Variants in CORO2B observed in about 807,000 individuals in gnomAD.
The protein encoded by CORO2B is coronin-2B.
CORO2B carries 26 observed loss-of-function variants against 58.8 expected under a neutral mutation model. The observed-to-expected ratio is 0.44, with a 90% CI of 0.32 to 0.61. The LOEUF (loss-of-function observed/expected upper bound fraction) is 0.61. Among genes scored for constraint, CORO2B ranks in the 20% least tolerant of loss-of-function variants. The probability of loss-of-function intolerance (pLI) is 0.04; values close to 1 mark genes in which losing one functional copy is unlikely to be tolerated. For synonymous variants in CORO2B, 242 were observed against 253.8 expected (o/e 0.95, Z 0.44); for missense variants, 460 against 645.1 (o/e 0.71, Z 3.11).
chr15:68,721,012 G>T (rs953743138), intron 11 of CORO2B, among the ~76,000 whole-genome samples: 1 of 152,158 alleles, frequency 6.6e-6, no homozygotes, highest in African/African-American at 2.4e-5. Flanking sequence ...CTCCCAAGTA[G>T]CTGGGATTAC....
intron 1 of CORO2B, among the ~76,000 whole-genome samples, chr15:68,605,874 G>A (rs1310566783): frequency 1.3e-5 from 2 of 151,960 alleles, no homozygotes; most frequent in African/African-American, 4.8e-5. Context: ...ACAGGCACCC[G>A]CCACCACACT....
chr15:68,559,034 GA>G, the CORO2B span, among the ~76,000 whole-genome samples: 1 of 152,072 alleles, frequency 6.6e-6, no homozygotes, highest in Non-Finnish European at 1.5e-5. The surrounding 1 kb of genome is among the most constrained non-coding windows in gnomAD (Gnocchi z 4.3). Flanking sequence ...AATATGTTCG[GA>G]GATCCTACCA....
the CORO2B span, among the ~76,000 whole-genome samples, chr15:68,552,477 T>TGGGGGGGGGGGGGG: frequency 8.0e-6 from 1 of 124,908 alleles, no homozygotes; most frequent in Non-Finnish European, 1.7e-5. Context: ...CGCGGGGGGG[T>TGGGGGGGGGGGGGG]GGGGGGGGCA....
intron 1 of CORO2B, among the ~76,000 whole-genome samples, chr15:68,626,751 T>A (rs1288998208): frequency 6.6e-6 from 1 of 152,184 alleles, no homozygotes; most frequent in Non-Finnish European, 1.5e-5. Context: ...GTGTCAGTAC[T>A]TATGAAAAAA....
In CORO2B at chr15:68,579,249, C is replaced by T. The variant is rs754949243; in HGVS notation, c.-14C>T. The T allele has an allele frequency of 1.7e-6, 2 of 1,211,430 alleles. No individual in the cohort carries two copies. The highest frequency in any genetic ancestry group is 3.9e-5 in the East Asian group (1 of 25,384). The allele number at this position is 1,211,430 out of a possible 1,614,324, so 75.0% of individuals were successfully genotyped here. ...CGCCGCGCCCGCGCCCCCGCTCCGCCGCGGAGTTTCTGCATGACTGTCACA... is the reference window on the plus strand; with the variant it reads ...CGCCGCGCCCGCGCCCCCGCTCCGCTGCGGAGTTTCTGCATGACTGTCACA... On this transcript the variant is annotated 5_prime_UTR_variant, in exon 1 of 12. Transcript: ENST00000261861.
chr15:68,698,129 G>A (rs1211266194), intron 3 of CORO2B, among the ~76,000 whole-genome samples: 1 of 152,208 alleles, frequency 6.6e-6, no homozygotes, highest in Non-Finnish European at 1.5e-5. Context: ...CCAAACTGAG[G>A]GTTGGTAGGT....
chr15:68,518,585 C>T, the CORO2B span, among the ~76,000 whole-genome samples: 2 of 152,268 alleles, frequency 1.3e-5, no homozygotes, highest in East Asian at 3.9e-4. Flanking sequence ...CCCGTTTCTG[C>T]CTTCCAAGGT....
At chr15:68,633,390 T>C (rs1286212699) in intron 1 of CORO2B, among the ~76,000 whole-genome samples, 6 of 152,100 alleles carry the variant, frequency 3.9e-5, no homozygotes, top group Admixed American at 3.9e-4. Flanking sequence ...CAAAAACCCA[T>C]TGATTTCCTC....
At chr15:68,528,897 A>G in the CORO2B span, among the ~76,000 whole-genome samples, 1 of 152,222 alleles carries the variant, frequency 6.6e-6, no homozygotes. Flanking sequence ...TAGCAGAAAC[A>G]AAACTGAAAA....
the CORO2B span, among the ~76,000 whole-genome samples, chr15:68,549,953 A>AAATAAATAAATAAATAAAT: frequency 3.5e-5 from 5 of 144,488 alleles, no homozygotes; most frequent in African/African-American, 1.3e-4. Context: ...AAAATAAAAT[A>AAATAAATAAATAAATAAAT]AAATAAATAA....
chr15:68,622,502 C>T (rs1003482210), intron 1 of CORO2B, among the ~76,000 whole-genome samples: 4 of 152,174 alleles, frequency 2.6e-5, no homozygotes, highest in Admixed American at 6.5e-5. Flanking sequence ...CCATCCTTGA[C>T]ATCTGTGCTA....
At position 68,726,288 on chromosome 15, in the gene CORO2B, G is replaced by A. The variant is rs1893297654; in HGVS notation, c.*314G>A. The A allele has an allele frequency of 5.7e-6, 2 of 352,224 alleles. No homozygotes were observed. The highest frequency in any genetic ancestry group is 5.3e-5 in the South Asian group (2 of 37,846). 21.8% of individuals were successfully genotyped at this position (352,224 alleles called of 1,614,324 possible). ...CAGGGGCTCCATCTCAGTGGACCAGGAAGCAAGAGGGGAAGCGGGATCCCA... is the reference window on the plus strand; with the variant it reads ...CAGGGGCTCCATCTCAGTGGACCAGAAAGCAAGAGGGGAAGCGGGATCCCA... On this transcript the variant is annotated 3_prime_UTR_variant, in exon 12 of 12. Transcript: ENST00000261861.
At chr15:68,707,541 C>T (rs1892812164) in intron 3 of CORO2B, among the ~76,000 whole-genome samples, 2 of 152,168 alleles carry the variant, frequency 1.3e-5, no homozygotes, top group South Asian at 4.1e-4. Flanking sequence ...CAACAGATGC[C>T]TCTCTGGCCA....
chr15:68,527,424 T>C, the CORO2B span, among the ~76,000 whole-genome samples: 2 of 152,164 alleles, frequency 1.3e-5, no homozygotes, highest in African/African-American at 4.8e-5. Context: ...CCAGTGCAAT[T>C]TGTTGGAAGA....
chr15:68,577,375 G>A (rs1471037852), upstream of CORO2B, among the ~76,000 whole-genome samples: 4 of 152,102 alleles, frequency 2.6e-5, no homozygotes, highest in Non-Finnish European at 4.4e-5. Flanking sequence ...AGCAAAATGG[G>A]GACGGTAATT....
chr15:68,598,030 G>A (rs980444993), intron 1 of CORO2B, among the ~76,000 whole-genome samples: 1 of 152,246 alleles, frequency 6.6e-6, no homozygotes, highest in Non-Finnish European at 1.5e-5. Context: ...GGAGAACCCA[G>A]GAGAAAGAGG....
At chr15:68,568,380 G>A in the CORO2B span, among the ~76,000 whole-genome samples, 3 of 151,642 alleles carry the variant, frequency 2.0e-5, no homozygotes, top group Non-Finnish European at 4.4e-5. Flanking sequence ...CTAGACACAA[G>A]TGCTGGCTAC....
chr15:68,639,981 G>A (rs918669464), intron 1 of CORO2B, among the ~76,000 whole-genome samples: 2 of 152,158 alleles, frequency 1.3e-5, no homozygotes, highest in African/African-American at 2.4e-5. Context: ...CGCCCCCACC[G>A]ATTTCCCTTT....
At chr15:68,616,904 T>C (rs1202847375) in intron 1 of CORO2B, among the ~76,000 whole-genome samples, 5 of 152,220 alleles carry the variant, frequency 3.3e-5, no homozygotes, top group African/African-American at 1.2e-4. Context: ...TTGGAAGACA[T>C]GCCTGAGGAT....
Sources: gnomAD v4.1 joint callset for allele counts (sites outside exome capture counted in the v4.1 genomes callset) on GRCh38, gnomAD v4.1.1 for gene constraint, Gnocchi (gnomAD v3.1) non-coding constraint, MANE v1.5 for transcripts, NCBI Gene and HGNC (gene_info 2026-07-23, HGNC 2026-07-21) for gene names.